Variants in WDR88 observed in about 807,000 individuals in gnomAD.
The protein encoded by WDR88 is WD repeat-containing protein 88.
WDR88 carries 40 observed loss-of-function variants against 46.8 expected under a neutral mutation model. The observed-to-expected ratio is 0.86, with a 90% confidence interval of 0.66 to 1.11. The LOEUF is 1.11. Ranked by LOEUF, WDR88 falls within the 50% of genes most tolerant of loss-of-function variation. The probability of loss-of-function intolerance (pLI) is 0.00; values close to 1 mark genes in which losing one functional copy is unlikely to be tolerated. For missense variants in WDR88, 562 were observed against 602.4 expected (o/e 0.93, Z 0.70); for synonymous variants, 235 against 240.7 (o/e 0.98, Z 0.22).
In WDR88 at chr19:33,156,542, A is replaced by T; in HGVS notation, c.997A>T (p.Ser333Cys). 2 of 1,611,956 alleles carry T rather than the reference A, an allele frequency of 1.2e-6. No homozygotes were observed. Among genetic ancestry groups the T allele is most frequent in the Non-Finnish European group, 1.7e-6 (2 of 1,178,798 alleles). The change falls in exon 7 of 11, where the codon AGC becomes TGC. Residue 333 changes from serine (S) to cysteine (C), a missense_variant and splice_region_variant. By Grantham distance (112) the Ser-to-Cys change is moderately radical. Coordinates refer to ENST00000355868, the MANE Select transcript of WDR88 (RefSeq NM_173479.4). ...SVSSCHFARD[S>C]SFLISGGFDR... ...CAGTTCCTGTCACTTTGCCAGAGAC[A>T]GTGAGTAATTAACATGCAGAAGGCC...
chr19:33,147,549 G>A (rs755987248), intron 3 of WDR88, 96 bp from the exon 4 acceptor site: 199 of 1,178,076 alleles, frequency 1.7e-4, no homozygotes, highest in Non-Finnish European at 2.3e-4. Context: ...GTTGCAGTGA[G>A]CCGGTATTGC....
intron 9 of WDR88, among the ~76,000 whole-genome samples, chr19:33,171,697 T>C (rs1057197332): frequency 1.3e-5 from 2 of 152,126 alleles, no homozygotes; most frequent in Non-Finnish European, 2.9e-5. Context: ...CATGGTTTTA[T>C]AGTTTCATGC....
intron 9 of WDR88, among the ~76,000 whole-genome samples, chr19:33,166,039 C>A (rs918309503): frequency 3.3e-5 from 5 of 150,108 alleles, no homozygotes; most frequent in African/African-American, 1.2e-4. Flanking sequence ...GTGGGAGGAT[C>A]GCTTAAGTCC....
intron 1 of WDR88, among the ~76,000 whole-genome samples, chr19:33,134,420 T>C (rs948207372): frequency 6.6e-6 from 1 of 152,122 alleles, no homozygotes; most frequent in African/African-American, 2.4e-5. Context: ...CTTAAACTCC[T>C]GGCCTCAAGC....
chr19:33,154,347 T>G (rs1407871663), intron 6 of WDR88, among the ~76,000 whole-genome samples: 1 of 152,112 alleles, frequency 6.6e-6, no homozygotes, highest in African/African-American at 2.4e-5. Flanking sequence ...ATGTGTTAGG[T>G]ATTTGCCCTA....
At chr19:33,142,046 G>C (rs1348304460) in intron 2 of WDR88, among the ~76,000 whole-genome samples, 1 of 152,146 alleles carries the variant, frequency 6.6e-6, no homozygotes, top group Non-Finnish European at 1.5e-5. Context: ...GCAGGGACTG[G>C]AAACGGGGTC....
At position 33,134,563 on chromosome 19, in the gene WDR88, G is replaced by A. The variant is rs144802736; in HGVS notation, c.276+2118G>A. On this transcript the variant is annotated intron_variant, in intron 1 of 10. Coordinates refer to ENST00000355868, the MANE Select transcript of WDR88 (RefSeq NM_173479.4). Reference sequence around the variant, plus strand: ...GAGATAACCCAAACCCTGCAGGGGCGGCAGGGGCTGGGGTCGCCAGAGGCG... The same window carrying A: ...GAGATAACCCAAACCCTGCAGGGGCAGCAGGGGCTGGGGTCGCCAGAGGCG... Among the ~76,000 whole-genome samples, 659 of 152,164 alleles carry A rather than the reference G, an allele frequency of 4.3e-3. 3 individuals carry two copies. Among genetic ancestry groups the A allele is most frequent in the African/African-American group, 0.015 (628 of 41,514 alleles).
intron 2 of WDR88, among the ~76,000 whole-genome samples, chr19:33,141,154 C>T (rs1056999473): frequency 4.0e-5 from 6 of 151,042 alleles, no homozygotes; most frequent in Non-Finnish European, 5.9e-5. Flanking sequence ...CCAGGCTGGT[C>T]TCAAACTCCT....
At chr19:33,144,703 G>A (rs1010504237) in intron 2 of WDR88, 141 bp from the exon 3 acceptor site, 4 of 727,470 alleles carry the variant, frequency 5.5e-6, no homozygotes, top group Non-Finnish European at 9.7e-6. Flanking sequence ...CTCTTTCGGA[G>A]CTGAGTGAGA....
Position 33,164,188 on chromosome 19 carries a change from T to C in WDR88, c.1081-9T>C. On this transcript the variant is annotated splice_polypyrimidine_tract_variant and intron_variant, in intron 8 of 10. Transcript: ENST00000355868. ...TCCACGTTTTCATTAAAATTTGATA[T>C]TTCTTCAGGGCCATAATGACTGGGT... The C allele has an allele frequency of 6.2e-7, 1 of 1,612,392 alleles. No individual in the cohort carries two copies. The highest frequency in any genetic ancestry group is 8.5e-7 in the Non-Finnish European group (1 of 1,178,480).
intron 6 of WDR88, among the ~76,000 whole-genome samples, chr19:33,154,934 T>C (rs939929059): frequency 6.6e-6 from 1 of 152,240 alleles, no homozygotes; most frequent in Admixed American, 6.5e-5. Context: ...ATCTGAGCTC[T>C]AGAAAATTGT....
intron 1 of WDR88, among the ~76,000 whole-genome samples, chr19:33,135,109 A>C (rs1310889927): frequency 1.3e-5 from 2 of 148,408 alleles, no homozygotes; most frequent in Non-Finnish European, 3.0e-5. Context: ...TTTTCCCCCC[A>C]GTTTTACTGA....
intron 10 of WDR88, chr19:33,174,306 AC>A: frequency 4.6e-6 from 7 of 1,524,152 alleles, no homozygotes; most frequent in Non-Finnish European, 4.4e-6. Context: ...GGTAGGGTTT[AC>A]CCCCCTCTCC....
chr19:33,167,515 G>A (rs1463356475), intron 9 of WDR88, among the ~76,000 whole-genome samples: 4 of 152,084 alleles, frequency 2.6e-5, no homozygotes, highest in African/African-American at 9.7e-5. Context: ...ATCAGGACAA[G>A]GATGCCTACT....
Position 33,160,458 on chromosome 19 carries a change from T to C in WDR88, c.1042T>C (p.Trp348Arg). ...AGGGTTTGATAGGACTGTGGCTATT[T>C]GGGATGTAGCAGAAGGCTACCGGAA... ...SGGFDRTVAI[W>R]DVAEGYRKLS... Residue 348 changes from tryptophan (W) to arginine (R), a missense_variant, in exon 8 of 11, where the codon TGG becomes CGG. Transcript: ENST00000355868. 1 of 1,614,180 alleles carries C rather than the reference T, an allele frequency of 6.2e-7. No homozygotes were observed. The highest frequency in any genetic ancestry group is 8.5e-7 in the Non-Finnish European group (1 of 1,180,026).
chr19:33,175,789 C>G lies in WDR88; in HGVS notation c.*217C>G. The G allele has an allele frequency of 1.8e-6, 1 of 560,618 alleles. No individual in the cohort carries two copies. Among genetic ancestry groups the G allele is most frequent in the Non-Finnish European group, 3.2e-6 (1 of 314,812 alleles). 34.7% of individuals were successfully genotyped at this position (560,618 alleles called of 1,614,324 possible). A position where few individuals can be genotyped will look rare whatever the true frequency, so the allele number is the denominator to read the frequency against. ...GTTTTCATGCAGAATAAATCTAATT[C>G]CTTTGGAAAACAAGCGTGCATGTGC... On this transcript the variant is annotated 3_prime_UTR_variant, in exon 11 of 11. Transcript: ENST00000355868.
rs1373927226 is a variant in WDR88, at chr19:33,175,721, G to T, written c.*149G>T. On this transcript the variant is annotated 3_prime_UTR_variant, in exon 11 of 11. Coordinates refer to ENST00000355868, the MANE Select transcript of WDR88 (RefSeq NM_173479.4). The stretch of plus-strand genomic sequence containing the variant: ...CCAAGCCCTGGCTGGACTCAGCACA[G>T]TGCCACCTCCTCAGCTCTCAGCTTG... 5 of 798,742 alleles carry T rather than the reference G, an allele frequency of 6.3e-6. No individual in the cohort carries two copies. The Admixed American group carries it at 1.4e-4, about 22-fold the overall frequency. The allele number at this position is 798,742 out of a possible 1,614,324, so 49.5% of individuals were successfully genotyped here.
chr19:33,156,163 G>T (rs990199513), intron 6 of WDR88, among the ~76,000 whole-genome samples, 192 bp from the exon 7 acceptor site: 1 of 152,234 alleles, frequency 6.6e-6, no homozygotes, highest in African/African-American at 2.4e-5. Context: ...GTGATCAAAG[G>T]CATGATGAAC....
intron 1 of WDR88, among the ~76,000 whole-genome samples, chr19:33,133,705 C>T (rs575390867): frequency 6.6e-6 from 1 of 152,338 alleles, no homozygotes; most frequent in African/African-American, 2.4e-5. Flanking sequence ...CCTTCCAGGC[C>T]ATTTCAAATC....
Sources: allele counts gnomAD v4.1 joint callset (sites outside exome capture counted in the v4.1 genomes callset), GRCh38; gene constraint gnomAD v4.1.1; transcripts MANE v1.5; gene names NCBI Gene and HGNC (gene_info 2026-07-23, HGNC 2026-07-21).